The following MAP2 variants were observed in gnomAD, a reference collection of about 807,000 sequenced individuals.
The protein encoded by MAP2 is microtubule associated protein 2, also known as microtubule-associated protein 2.
Under a neutral mutation model 137.6 loss-of-function variants are expected in MAP2, and 14 were observed. That is an observed-to-expected ratio of 0.10 (90% confidence interval 0.07 to 0.16). The LOEUF (loss-of-function observed/expected upper bound fraction) is 0.16, where lower values mean the gene tolerates loss of function less well. Ranked by LOEUF, MAP2 falls within the 10% of genes least tolerant of loss-of-function variation. MAP2 has a pLI of 1.00. For synonymous variants in MAP2, 786 were observed against 782.3 expected, an observed-to-expected ratio of 1.00 and a Z score of -0.08; for missense variants, 2,088 against 2,191.5, an observed-to-expected ratio of 0.95 and a Z score of 0.94.
intron 1 of MAP2, among the ~76,000 whole-genome samples, chr2:209,484,617 G>A (rs1328121867): frequency 6.6e-6 from 1 of 152,198 alleles, no homozygotes; most frequent in Non-Finnish European, 1.5e-5. Context: ...TTGAACCCGG[G>A]AGGTGGAGGT....
intron 2 of MAP2, among the ~76,000 whole-genome samples, chr2:209,568,862 G>C (rs1254165604): frequency 6.6e-6 from 1 of 151,702 alleles, no homozygotes; most frequent in Non-Finnish European, 1.5e-5. Flanking sequence ...ATTTTATTTA[G>C]TAAAAAATCT....
At chr2:209,655,620 C>T (rs981200898) in intron 5 of MAP2, among the ~76,000 whole-genome samples, 1 of 152,166 alleles carries the variant, frequency 6.6e-6, no homozygotes, top group Non-Finnish European at 1.5e-5. Context: ...TAAACAAATG[C>T]TCTTAAATCC....
intron 4 of MAP2, among the ~76,000 whole-genome samples, chr2:209,632,265 A>G (rs911090000): frequency 2.6e-5 from 4 of 152,148 alleles, no homozygotes; most frequent in Non-Finnish European, 4.4e-5. Flanking sequence ...CATATCCAGT[A>G]TCTGAACTAT....
At chr2:209,497,984 T>A (rs978873582) in intron 1 of MAP2, among the ~76,000 whole-genome samples, 1 of 152,226 alleles carries the variant, frequency 6.6e-6, no homozygotes, top group African/African-American at 2.4e-5. Context: ...GCTTTCCCAA[T>A]GGTTCCCCAA....
intron 2 of MAP2, among the ~76,000 whole-genome samples, chr2:209,572,452 A>T (rs890953869): frequency 2.0e-5 from 3 of 152,146 alleles, no homozygotes; most frequent in Non-Finnish European, 4.4e-5. Flanking sequence ...CATAGTTAAA[A>T]TACATATAAA....
chr2:209,688,756 T>C (rs1366485301), intron 7 of MAP2, among the ~76,000 whole-genome samples: 1 of 152,200 alleles, frequency 6.6e-6, no homozygotes, highest in East Asian at 1.9e-4. Context: ...TACAGCTAAA[T>C]ATATTTTTGC....
At chr2:209,691,864 T>C (rs958349882) in intron 7 of MAP2, among the ~76,000 whole-genome samples, 1 of 152,230 alleles carries the variant, frequency 6.6e-6, no homozygotes, top group African/African-American at 2.4e-5. Flanking sequence ...CAGATTTTCT[T>C]ATATCTACCG....
chr2:209,504,612 C>T (rs1218827769), intron 1 of MAP2, among the ~76,000 whole-genome samples: 1 of 152,072 alleles, frequency 6.6e-6, no homozygotes, highest in African/African-American at 2.4e-5. Context: ...TATGAGACAC[C>T]ATGCAAGATC....
intron 2 of MAP2, among the ~76,000 whole-genome samples, chr2:209,530,998 T>C (rs6752348): frequency 0.15 from 23,346 of 152,106 alleles, 2,399 homozygotes; most frequent in African/African-American, 0.29. Context: ...ATTGAATGAA[T>C]GAAATACAAA....
intron 5 of MAP2, among the ~76,000 whole-genome samples, chr2:209,664,004 G>A (rs1053678073): frequency 2.6e-5 from 4 of 152,152 alleles, no homozygotes; most frequent in Admixed American, 2.0e-4. Flanking sequence ...AGCTGTTGTT[G>A]ATTTTATTCT....
intron 1 of MAP2, among the ~76,000 whole-genome samples, chr2:209,470,722 G>A (rs957063677): frequency 5.3e-5 from 8 of 152,152 alleles, no homozygotes; most frequent in South Asian, 4.2e-4. Context: ...AGCTAGGGGC[G>A]CTTGGTGTGG....
intron 5 of MAP2, among the ~76,000 whole-genome samples, chr2:209,675,238 A>AT (rs886454397): frequency 7.9e-5 from 12 of 151,810 alleles, no homozygotes; most frequent in African/African-American, 1.7e-4. Context: ...CCCTTGGATT[A>AT]TTTTTTTTAA....
chr2:209,657,784 A>G (rs1296706852), intron 5 of MAP2, among the ~76,000 whole-genome samples: 1 of 151,782 alleles, frequency 6.6e-6, no homozygotes, highest in Non-Finnish European at 1.5e-5. Flanking sequence ...CCATTAGTCT[A>G]TTTTTGTTTT....
intron 2 of MAP2, among the ~76,000 whole-genome samples, chr2:209,525,128 A>T (rs1296631535): frequency 6.6e-6 from 1 of 152,174 alleles, no homozygotes; most frequent in Non-Finnish European, 1.5e-5. Context: ...AATAAAGACT[A>T]TTCTGTATCT....
At chr2:209,557,529 C>G (rs2070973872) in intron 2 of MAP2, among the ~76,000 whole-genome samples, 1 of 152,150 alleles carries the variant, frequency 6.6e-6, no homozygotes, top group African/African-American at 2.4e-5. Context: ...GAGCCACTAT[C>G]CAACTCCAGC....
chr2:209,459,444 C>A (rs1702257751), intron 1 of MAP2, among the ~76,000 whole-genome samples: 1 of 152,140 alleles, frequency 6.6e-6, no homozygotes, highest in African/African-American at 2.4e-5. Context: ...CCCTTAAAAT[C>A]TACCCCTTTC....
intron 4 of MAP2, among the ~76,000 whole-genome samples, chr2:209,643,502 T>G (rs2094186052): frequency 6.6e-6 from 1 of 152,212 alleles, no homozygotes. Flanking sequence ...ATTTGCACCC[T>G]GCTTATTACC....
At chr2:209,675,190 C>T (rs1459773109) in intron 5 of MAP2, among the ~76,000 whole-genome samples, 3 of 151,850 alleles carry the variant, frequency 2.0e-5, no homozygotes, top group African/African-American at 7.2e-5. Flanking sequence ...CTCAAATCCT[C>T]TTAAATTACT....
At chr2:209,454,204 C>A (rs1559181744) in intron 1 of MAP2, among the ~76,000 whole-genome samples, 1 of 147,144 alleles carries the variant, frequency 6.8e-6, no homozygotes, top group Non-Finnish European at 1.5e-5. Context: ...ATGCAATTAG[C>A]TCAGCCCAGG....
Sources: gnomAD v4.1 joint callset for allele counts (sites outside exome capture counted in the v4.1 genomes callset) on GRCh38, gnomAD v4.1.1 for gene constraint, MANE v1.5 for transcripts, NCBI Gene and HGNC (gene_info 2026-07-23, HGNC 2026-07-21) for gene names.